Variants in PDE6D observed in about 807,000 individuals in gnomAD.
The protein encoded by PDE6D is phosphodiesterase 6D.
PDE6D carries 10 observed loss-of-function variants against 21.9 expected under a neutral mutation model. The ratio of observed to expected loss-of-function variants is 0.46; its 90% CI spans 0.28 to 0.78. PDE6D has a LOEUF of 0.78. Among genes scored for constraint, PDE6D ranks in the 30% least tolerant of loss-of-function variants. The pLI, the probability that PDE6D is intolerant of heterozygous loss-of-function variation, is 0.12. For synonymous variants in PDE6D, 59 were observed against 63.5 expected, an observed-to-expected ratio of 0.93 and a Z score of 0.34; for missense variants, 139 against 184.8, an observed-to-expected ratio of 0.75 and a Z score of 1.44.
chr2:231,739,257 A>C lies in PDE6D; in HGVS notation c.51-69T>G. ...TCCCACTTTGTATTCTAGGTGTCTCATGTTTACTCCCACCAACTCTTGTTT... is the reference window on the plus strand; with the variant it reads ...TCCCACTTTGTATTCTAGGTGTCTCCTGTTTACTCCCACCAACTCTTGTTT... On this transcript the variant is annotated intron_variant, in intron 1 of 4. Coordinates refer to ENST00000287600, the MANE Select transcript of PDE6D (RefSeq NM_002601.4). The surrounding 1 kb of genome is among the most constrained non-coding windows in gnomAD (Gnocchi z 4.2). The C allele has an allele frequency of 9.7e-6, 9 of 928,252 alleles. No individual in the cohort carries two copies. Among genetic ancestry groups the C allele is most frequent in the East Asian group, 2.4e-5 (1 of 41,686 alleles). The allele number at this position is 928,252 out of a possible 1,614,324, so 57.5% of individuals were successfully genotyped here. A position where few individuals can be genotyped will look rare whatever the true frequency, so the allele number is the denominator to read the frequency against.
At chr2:231,755,920 CA>C (rs201479123) in intron 1 of PDE6D, among the ~76,000 whole-genome samples, 94 of 140,362 alleles carry the variant, frequency 6.7e-4, no homozygotes, top group Middle Eastern at 3.6e-3. Flanking sequence ...AACTCCATCT[CA>C]AAAAAAAAAA....
At position 231,732,630 on chromosome 2, in the gene PDE6D, G is replaced by A; in HGVS notation, c.*322C>T. On this transcript the variant is annotated 3_prime_UTR_variant, in exon 5 of 5. Coordinates refer to ENST00000287600, the MANE Select transcript of PDE6D (RefSeq NM_002601.4). Reference sequence around the variant, plus strand: ...TGTAGCCTGTAGGGCCCAAGGAGGAGACAAGGAGGGTGACAGGTACAGTTA... The same window carrying A: ...TGTAGCCTGTAGGGCCCAAGGAGGAAACAAGGAGGGTGACAGGTACAGTTA... 1 of 200,776 alleles carries A rather than the reference G, an allele frequency of 5.0e-6. No homozygotes were observed. 12.4% of individuals were successfully genotyped at this position (200,776 alleles called of 1,614,324 possible).
In PDE6D at chr2:231,755,269, C is replaced by T. The variant is rs555655650; in HGVS notation, c.51-16081G>A. Among the ~76,000 whole-genome samples, 6 of 152,222 alleles carry T rather than the reference C, an allele frequency of 3.9e-5. 1 individual carries two copies. The highest frequency in any genetic ancestry group is 2.0e-4 in the Admixed American group (3 of 15,292). On this transcript the variant is annotated intron_variant, in intron 1 of 4. Transcript: ENST00000287600. The stretch of plus-strand genomic sequence containing the variant: ...CAGCCCGAAATGACAGATATCTCTA[C>T]TATAAATTTTTAAAATTACAGTGCT...
chr2:231,737,651 T>A (rs1394438506), intron 3 of PDE6D: 4 of 298,454 alleles, frequency 1.3e-5, no homozygotes, highest in Admixed American at 9.3e-5. Flanking sequence ...CACTGCATGG[T>A]GAGAATTCAA....
At chr2:231,737,606 T>A (rs1246858800) in intron 3 of PDE6D, 2 of 311,722 alleles carry the variant, frequency 6.4e-6, no homozygotes, top group Non-Finnish European at 1.2e-5. Flanking sequence ...TTAAATTCAC[T>A]TGGAATTAGC....
intron 1 of PDE6D, among the ~76,000 whole-genome samples, chr2:231,758,007 A>T (rs1423777769): frequency 1.3e-5 from 2 of 152,190 alleles, no homozygotes; most frequent in African/African-American, 4.8e-5. Flanking sequence ...TATAACCCAC[A>T]GATTACTGGG....
Position 231,739,104 on chromosome 2 carries a change from A to G in PDE6D, c.135T>C (p.His45=). Residue 45 remains histidine, a synonymous_variant, in exon 2 of 5, where the codon CAT becomes CAC. Transcript: ENST00000287600. The surrounding 1 kb of genome is among the most constrained non-coding windows in gnomAD (Gnocchi z 4.2). ...TEDLSVPGVE[H]EARVPKKILK... ...AGATAAAGGGTTGGAAAGTACCTTC[A>G]TGCTCCACACCAGGGACAGACAGGT... 6.2e-7 allele frequency: 1 copy of G among 1,605,410 alleles called. No homozygotes were observed. The highest frequency in any genetic ancestry group is 8.5e-7 in the Non-Finnish European group (1 of 1,172,128).
chr2:231,767,702 C>T (rs2048983174), intron 1 of PDE6D, among the ~76,000 whole-genome samples: 1 of 152,174 alleles, frequency 6.6e-6, no homozygotes, highest in South Asian at 2.1e-4. Context: ...TCTATCTACC[C>T]ACTCAAGCTG....
At chr2:231,757,304 AT>A (rs1369856123) in intron 1 of PDE6D, among the ~76,000 whole-genome samples, 2 of 147,250 alleles carry the variant, frequency 1.4e-5, no homozygotes, top group Admixed American at 6.8e-5. Context: ...TAAACGATTT[AT>A]TTTTTTTCTT....
intron 1 of PDE6D, among the ~76,000 whole-genome samples, chr2:231,754,357 CTTTTTTTT>C (rs1032135919): frequency 1.2e-4 from 16 of 132,658 alleles, no homozygotes; most frequent in African/African-American, 4.2e-4. Context: ...TGGCTTTTGT[CTTTTTTTT>C]TTTTTTTTTG....
intron 1 of PDE6D, among the ~76,000 whole-genome samples, chr2:231,751,790 C>T (rs186720111): frequency 9.7e-4 from 148 of 152,194 alleles, no homozygotes; most frequent in African/African-American, 3.4e-3. Context: ...TCAACATGAC[C>T]GATCGATGCT....
In PDE6D at chr2:231,741,028, C is replaced by G. The variant is rs1291183825; in HGVS notation, c.51-1840G>C. Among the ~76,000 whole-genome samples, 10 of 146,218 alleles carry G rather than the reference C, an allele frequency of 6.8e-5. No individual in the cohort carries two copies. In the Admixed American group the frequency reaches 7.2e-4, roughly 10 times the overall value. The stretch of plus-strand genomic sequence containing the variant: ...TGGTGCCTGCCTGTAATCCCAGCTA[C>G]TCAGGAGGCTGAGGCAGGAGAATCA... On this transcript the variant is annotated intron_variant, in intron 1 of 4. Coordinates refer to ENST00000287600, the MANE Select transcript of PDE6D (RefSeq NM_002601.4).
chr2:231,777,213 C>A (rs1329388906), intron 1 of PDE6D, among the ~76,000 whole-genome samples: 1 of 152,126 alleles, frequency 6.6e-6, no homozygotes, highest in Admixed American at 6.6e-5. Context: ...GAAGGTGATA[C>A]AAGAATAAAA....
rs537400284 is a variant in PDE6D, at chr2:231,738,352, T to C, written c.140-214A>G. Among the ~76,000 whole-genome samples, 16 of 152,350 alleles carry C rather than the reference T, an allele frequency of 1.1e-4. No individual in the cohort carries two copies. In the South Asian group the frequency reaches 2.9e-3, roughly 28 times the overall value. ...AGGTCTCTAATTGGTCACCCGTATC[T>C]GAAAGATATTAGATCTTCAAGGAAC... On this transcript the variant is annotated intron_variant, in intron 2 of 4. Coordinates refer to ENST00000287600, the MANE Select transcript of PDE6D (RefSeq NM_002601.4).
At chr2:231,764,274 A>G (rs1173282462) in intron 1 of PDE6D, among the ~76,000 whole-genome samples, 1 of 152,070 alleles carries the variant, frequency 6.6e-6, no homozygotes, top group Non-Finnish European at 1.5e-5. Flanking sequence ...CAAATTAGCT[A>G]CATGTGGTGG....
chr2:231,739,120 A>ACAGACAGG lies in PDE6D; in HGVS notation c.111_118dup (p.Val40AlafsTer51). 6.2e-7 allele frequency: 1 copy of ACAGACAGG among 1,612,092 alleles called. No individual in the cohort carries two copies. The highest frequency in any genetic ancestry group is 8.5e-7 in the Non-Finnish European group (1 of 1,178,204). On this transcript the variant is annotated frameshift_variant, in exon 2 of 5. Transcript: ENST00000287600. LOFTEE classifies it high-confidence loss of function. The surrounding 1 kb of genome is among the most constrained non-coding windows in gnomAD (Gnocchi z 4.2). Reference sequence around the variant, plus strand: ...AGTACCTTCATGCTCCACACCAGGGACAGACAGGTCTTCTGTTCCTTGCCA... The same window carrying ACAGACAGG: ...AGTACCTTCATGCTCCACACCAGGGACAGACAGGCAGACAGGTCTTCTGTTCCTTGCCA...
At chr2:231,768,068 C>T (rs2048986596) in intron 1 of PDE6D, among the ~76,000 whole-genome samples, 1 of 151,992 alleles carries the variant, frequency 6.6e-6, no homozygotes, top group Admixed American at 6.6e-5. Context: ...TGGTCTCAAA[C>T]TCCTGAGCTC....
At chr2:231,779,512 G>A (rs914929843) in intron 1 of PDE6D, 1 of 152,164 alleles carries the variant, frequency 6.6e-6, no homozygotes, top group Non-Finnish European at 1.5e-5. Flanking sequence ...TACAAAGCAT[G>A]TTAAGTAGCA....
intron 1 of PDE6D, among the ~76,000 whole-genome samples, chr2:231,753,289 C>T (rs780316442): frequency 1.2e-4 from 18 of 150,876 alleles, no homozygotes; most frequent in South Asian, 2.1e-4. Flanking sequence ...TTTGGGAGGT[C>T]GAAGTGGGCG....
Sources: allele counts gnomAD v4.1 joint callset (sites outside exome capture counted in the v4.1 genomes callset), GRCh38; gene constraint gnomAD v4.1.1; non-coding constraint Gnocchi (gnomAD v3.1); transcripts MANE v1.5; gene names NCBI Gene and HGNC (gene_info 2026-07-23, HGNC 2026-07-21).